The following HIVEP3 variants were observed in gnomAD, a reference collection of about 807,000 sequenced individuals.
The protein encoded by HIVEP3 is transcription factor HIVEP3.
HIVEP3 carries 49 observed loss-of-function variants against 152.8 expected under a neutral mutation model. That is an observed-to-expected ratio of 0.32 (90% CI 0.26 to 0.41). HIVEP3 has a LOEUF of 0.41. HIVEP3 is among the 10% of genes least tolerant of loss of function. The pLI, the probability that HIVEP3 is intolerant of heterozygous loss-of-function variation, is 1.00. For missense variants in HIVEP3, 2,790 were observed against 3,103.3 expected (o/e 0.90, Z 2.40); for synonymous variants, 1,269 against 1,289.0 (o/e 0.98, Z 0.33).
At chr1:41,960,532 C>T (rs956457223) in intron 1 of HIVEP3, among the ~76,000 whole-genome samples, 11 of 152,318 alleles carry the variant, frequency 7.2e-5, no homozygotes, top group African/African-American at 2.4e-4. Flanking sequence ...CTGTATGGCA[C>T]ATCTCACACT....
intron 3 of HIVEP3, among the ~76,000 whole-genome samples, chr1:41,606,829 A>G (rs1644829130): frequency 6.7e-6 from 1 of 150,174 alleles, no homozygotes; most frequent in Non-Finnish European, 1.5e-5. Flanking sequence ...CTGGTGAGAA[A>G]TTCTGAGGTA....
chr1:41,718,902 G>A (rs909530572), intron 1 of HIVEP3, among the ~76,000 whole-genome samples: 1 of 152,214 alleles, frequency 6.6e-6, no homozygotes, highest in African/African-American at 2.4e-5. Flanking sequence ...GAAGGCGCTA[G>A]TGGATTTTAG....
intron 1 of HIVEP3, among the ~76,000 whole-genome samples, chr1:41,823,741 A>G (rs1174813332): frequency 6.6e-6 from 1 of 152,118 alleles, no homozygotes; most frequent in Non-Finnish European, 1.5e-5. Context: ...AAGAAACCCA[A>G]TTAGCACAAA....
At chr1:41,881,431 C>A (rs960840056) in intron 1 of HIVEP3, among the ~76,000 whole-genome samples, 1 of 152,174 alleles carries the variant, frequency 6.6e-6, no homozygotes, top group African/African-American at 2.4e-5. Context: ...TTATCCACTG[C>A]TCATCTCTCT....
chr1:41,736,745 A>G (rs1166847228), intron 1 of HIVEP3, among the ~76,000 whole-genome samples: 1 of 152,198 alleles, frequency 6.6e-6, no homozygotes. Context: ...GGATGATCAC[A>G]TGTGTGTCCT....
chr1:41,917,694 G>T (rs2124471975), intron 1 of HIVEP3, among the ~76,000 whole-genome samples: 1 of 152,288 alleles, frequency 6.6e-6, no homozygotes, highest in East Asian at 1.9e-4. Flanking sequence ...ATAGTAAAAT[G>T]TGGGGCATAA....
chr1:42,015,471 G>GCGTAGACACAGA (rs1645516701), intron 1 of HIVEP3, among the ~76,000 whole-genome samples: 1 of 152,196 alleles, frequency 6.6e-6, no homozygotes, highest in Admixed American at 6.5e-5. Flanking sequence ...TCAGAATTCA[G>GCGTAGACACAGA]CGTAGACACA....
chr1:41,638,453 GAGAT>G (rs1645321104), intron 2 of HIVEP3, among the ~76,000 whole-genome samples: 1 of 152,148 alleles, frequency 6.6e-6, no homozygotes, highest in Non-Finnish European at 1.5e-5. Flanking sequence ...GAGAAAAGAA[GAGAT>G]GGATGGTGGT....
chr1:41,608,869 T>C (rs956253438), intron 3 of HIVEP3, among the ~76,000 whole-genome samples: 7 of 149,002 alleles, frequency 4.7e-5, no homozygotes, highest in Non-Finnish European at 7.4e-5. Context: ...GTCAGGAGTT[T>C]GGGACCAGCC....
intron 3 of HIVEP3, among the ~76,000 whole-genome samples, chr1:41,597,656 C>T: frequency 6.6e-6 from 1 of 152,160 alleles, no homozygotes; most frequent in African/African-American, 2.4e-5. Context: ...CTCAAGGCAG[C>T]CAGGCCACAC....
chr1:41,775,850 C>A lies in HIVEP3; in HGVS notation c.-800-74855G>T, dbSNP rs114986535. Among the ~76,000 whole-genome samples, 1,495 of 152,280 alleles carry A rather than the reference C, an allele frequency of 9.8e-3. 23 individuals carry two copies. Among genetic ancestry groups the A allele is most frequent in the African/African-American group, 0.034 (1,394 of 41,540 alleles). On this transcript the variant is annotated intron_variant, in intron 1 of 8. Transcript: ENST00000372583. Reference sequence around the variant, plus strand: ...ATGATTTCATGGATTCACTGTATGGCAAAATAAGCTCCTGACATCACACCC... The same window carrying A: ...ATGATTTCATGGATTCACTGTATGGAAAAATAAGCTCCTGACATCACACCC...
At chr1:41,968,393 G>C (rs1489948227) in intron 1 of HIVEP3, among the ~76,000 whole-genome samples, 1 of 152,184 alleles carries the variant, frequency 6.6e-6, no homozygotes, top group South Asian at 2.1e-4. Context: ...AGCATGCAAG[G>C]CTGGTTCAAC....
At chr1:41,544,629 G>A (rs996055481) in intron 5 of HIVEP3, among the ~76,000 whole-genome samples, 5 of 99,540 alleles carry the variant, frequency 5.0e-5, no homozygotes, top group African/African-American at 1.1e-4. Context: ...CACTATCATC[G>A]CTACTACCAT....
At chr1:41,653,684 A>G (rs2124022480) in intron 2 of HIVEP3, among the ~76,000 whole-genome samples, 1 of 152,286 alleles carries the variant, frequency 6.6e-6, no homozygotes. Context: ...TCAGGGCGAC[A>G]CCAAATGTTC....
Position 41,569,971 on chromosome 1 carries a change from G to A in HIVEP3, c.5207+5573C>T, listed in dbSNP as rs1644227799. 3.3e-5 allele frequency among the ~76,000 whole-genome samples: 5 copies of A among 152,356 alleles called. No homozygotes were observed. In the South Asian group the frequency reaches 1.0e-3, roughly 32 times the overall value. The stretch of plus-strand genomic sequence containing the variant: ...GGCCTGAGACACAGTTCTGCAGTAT[G>A]CGCTGTGCTGTGGACAAAGGGTGGG... On this transcript the variant is annotated intron_variant, in intron 5 of 8. Coordinates refer to ENST00000372583, the MANE Select transcript of HIVEP3 (RefSeq NM_024503.5).
rs1401478208 is a variant in HIVEP3, at chr1:41,580,641, T to A, written c.4157A>T (p.Glu1386Val). Residue 1386 changes from glutamate (E) to valine (V), a missense_variant, in exon 4 of 9, where the codon GAG (glutamate) becomes GTG (valine). Transcript: ENST00000372583. The stretch of plus-strand genomic sequence containing the variant: ...TGGAGTTGGGAAAGCTCTGCTTTGC[T>A]CTTCACTTAACCCAGAAGGGCCGGG... ...VGPGPSGLSE[E>V]QSRAFPTPYL... 32 of 1,613,976 alleles carry A rather than the reference T, an allele frequency of 2.0e-5. No homozygotes were observed. Among genetic ancestry groups the A allele is most frequent in the Non-Finnish European group, 2.7e-5 (32 of 1,180,030 alleles).
intron 1 of HIVEP3, among the ~76,000 whole-genome samples, chr1:42,016,256 T>C (rs1645521991): frequency 6.6e-6 from 1 of 152,236 alleles, no homozygotes; most frequent in Non-Finnish European, 1.5e-5. Flanking sequence ...ATCTGTGTTC[T>C]GTATACAAAC....
At chr1:41,966,604 G>C (rs1173976543) in intron 1 of HIVEP3, among the ~76,000 whole-genome samples, 1 of 151,106 alleles carries the variant, frequency 6.6e-6, no homozygotes, top group African/African-American at 2.4e-5. Flanking sequence ...CTCCCGAGTA[G>C]CTGGGACTAT....
At chr1:41,684,149 A>T (rs1646081688) in intron 2 of HIVEP3, among the ~76,000 whole-genome samples, 1 of 152,144 alleles carries the variant, frequency 6.6e-6, no homozygotes, top group African/African-American at 2.4e-5. Context: ...GGAGGTGGGG[A>T]CAGGGGTGCG....
Sources: allele counts gnomAD v4.1 joint callset (sites outside exome capture counted in the v4.1 genomes callset), GRCh38; gene constraint gnomAD v4.1.1; transcripts MANE v1.5; gene names NCBI Gene and HGNC (gene_info 2026-07-23, HGNC 2026-07-21).